The following GET3 variants were observed in gnomAD, a reference collection of about 807,000 sequenced individuals.
GET3 encodes the protein guided entry of tail-anchored proteins factor 3, ATPase.
In GET3, 15 loss-of-function variants were observed where a neutral mutation model predicts 32.4. The ratio of observed to expected loss-of-function variants is 0.46; its 90% CI spans 0.31 to 0.71. The LOEUF (loss-of-function observed/expected upper bound fraction) is 0.71, where lower values mean the gene tolerates loss of function less well. Among genes scored for constraint, GET3 ranks in the 30% least tolerant of loss-of-function variants. GET3 has a pLI of 0.05. For missense variants in GET3, 333 were observed against 459.0 expected (o/e 0.73, Z 2.51); for synonymous variants, 198 against 185.6 (o/e 1.07, Z -0.54).
At chr19:12,741,325 G>T (rs1012211148) in intron 2 of GET3, among the ~76,000 whole-genome samples, 1 of 151,890 alleles carries the variant, frequency 6.6e-6, no homozygotes, top group African/African-American at 2.4e-5. Flanking sequence ...GCGTGATGGC[G>T]GGTGCCTTTA....
At chr19:12,746,228 G>A (rs1210975833) in intron 4 of GET3, among the ~76,000 whole-genome samples, 2 of 152,164 alleles carry the variant, frequency 1.3e-5, no homozygotes, top group African/African-American at 4.8e-5. Flanking sequence ...CACCTCGTGG[G>A]TTCAAGTGAT....
Position 12,747,131 on chromosome 19 carries a change from T to C in GET3, c.610-66T>C. ...TATCAGGAGTCATCCCTCGGGTGTT[T>C]AGTGAACCCCCAACCCAGGAGGTCG... On this transcript the variant is annotated intron_variant, in intron 4 of 6. Transcript: ENST00000357332. The surrounding 1 kb of genome is among the most constrained non-coding windows in gnomAD (Gnocchi z 4.0). 7.2e-7 allele frequency: 1 copy of C among 1,385,874 alleles called. No homozygotes were observed. The highest frequency in any genetic ancestry group is 9.9e-7 in the Non-Finnish European group (1 of 1,010,638). 85.8% of individuals were successfully genotyped at this position (1,385,874 alleles called of 1,614,324 possible). A position where few individuals can be genotyped will look rare whatever the true frequency, so the allele number is the denominator to read the frequency against.
At chr19:12,742,784 T>A (rs1426378057) in intron 2 of GET3, among the ~76,000 whole-genome samples, 1 of 151,938 alleles carries the variant, frequency 6.6e-6, no homozygotes. Flanking sequence ...TGACCTCAAA[T>A]GATCTGCCTG....
At chr19:12,739,329 T>A (rs1052437149) in intron 2 of GET3, among the ~76,000 whole-genome samples, 39 of 152,060 alleles carry the variant, frequency 2.6e-4, no homozygotes, top group Non-Finnish European at 3.8e-4. Flanking sequence ...CACCACTGCC[T>A]GTTAATTTTG....
upstream of GET3, chr19:12,737,421 A>G (rs1263593727): frequency 4.4e-6 from 6 of 1,367,734 alleles, no homozygotes; most frequent in East Asian, 3.0e-5. Flanking sequence ...TCATGCTCCT[A>G]GCTTCGCTAG....
chr19:12,745,660 G>A lies in GET3; in HGVS notation c.510G>A (p.Thr170=), dbSNP rs1333825135. Residue 170 remains threonine, a synonymous_variant, in exon 4 of 7, where the codon ACG becomes ACA. Coordinates refer to ENST00000357332, the MANE Select transcript of GET3 (RefSeq NM_004317.4). This position sits in a 1 kb window ranked among gnomAD's most constrained non-coding sequence, Gnocchi z 5.0. Reference sequence around the variant, plus strand: ...TGGTGGTATTTGACACGGCACCCACGGGCCACACCCTGAGGCTGCTCAACT... The same window carrying A: ...TGGTGGTATTTGACACGGCACCCACAGGCCACACCCTGAGGCTGCTCAACT... The part of the protein sequence containing the change: ...FSVVVFDTAP[T]GHTLRLLNFP... The A allele has an allele frequency of 9.3e-6, 15 of 1,612,764 alleles. No homozygotes were observed. The highest frequency in any genetic ancestry group is 4.5e-5 in the East Asian group (2 of 44,858).
At chr19:12,741,186 G>A (rs1238504880) in intron 2 of GET3, among the ~76,000 whole-genome samples, 3 of 152,326 alleles carry the variant, frequency 2.0e-5, no homozygotes, top group Admixed American at 2.0e-4. Context: ...GCTGGGCATG[G>A]TGGCTCACGC....
At chr19:12,738,750 A>G in intron 2 of GET3, 92 bp downstream of exon 2, 2 of 1,497,508 alleles carry the variant, frequency 1.3e-6, no homozygotes, top group Non-Finnish European at 1.8e-6. Context: ...TGTCCTATCC[A>G]CTCTATATCC....
At chr19:12,742,713 C>T (rs1967693227) in intron 2 of GET3, among the ~76,000 whole-genome samples, 1 of 151,942 alleles carries the variant, frequency 6.6e-6, no homozygotes, top group African/African-American at 2.4e-5. Flanking sequence ...CGCGCCTGGC[C>T]TGTATTTTTT....
At chr19:12,743,722 CTT>C (rs776785337) in intron 2 of GET3, among the ~76,000 whole-genome samples, 971 of 70,308 alleles carry the variant, frequency 0.014, 5 homozygotes, top group African/African-American at 0.045. Context: ...GACTCCATCT[CTT>C]TTTTTTTTTT....
In GET3 at chr19:12,747,367, C is replaced by G; in HGVS notation, c.718-28C>G. 6.2e-7 allele frequency: 1 copy of G among 1,613,184 alleles called. No individual in the cohort carries two copies. The highest frequency in any genetic ancestry group is 1.7e-4 in the Middle Eastern group (1 of 6,058). ...GCTGAGGACAGGGGCAGACCCCGCC[C>G]CTCACTGTCCTCTCTCGTGCCCTGT... is the stretch of plus-strand genomic sequence containing the variant. On this transcript the variant is annotated intron_variant, in intron 5 of 6. Coordinates refer to ENST00000357332, the MANE Select transcript of GET3 (RefSeq NM_004317.4). The surrounding 1 kb of genome is among the most constrained non-coding windows in gnomAD (Gnocchi z 4.0).
Position 12,747,360 on chromosome 19 carries a change from C to T in GET3, c.718-35C>T. ...CCCGGGGGCTGAGGACAGGGGCAGACCCCGCCCCTCACTGTCCTCTCTCGT... is the reference window on the plus strand; with the variant it reads ...CCCGGGGGCTGAGGACAGGGGCAGATCCCGCCCCTCACTGTCCTCTCTCGT... On this transcript the variant is annotated intron_variant, in intron 5 of 6. Transcript: ENST00000357332. The surrounding 1 kb of genome is among the most constrained non-coding windows in gnomAD (Gnocchi z 4.0). The T allele has an allele frequency of 1.2e-6, 2 of 1,612,606 alleles. No individual in the cohort carries two copies. Among genetic ancestry groups the T allele is most frequent in the South Asian group, 2.2e-5 (2 of 91,040 alleles).
chr19:12,745,039 G>C lies in GET3; in HGVS notation c.310-338G>C, dbSNP rs948029407. Among the ~76,000 whole-genome samples, 4 of 152,070 alleles carry C rather than the reference G, an allele frequency of 2.6e-5. No individual in the cohort carries two copies. The highest frequency in any genetic ancestry group is 4.4e-5 in the Non-Finnish European group (3 of 67,996). On this transcript the variant is annotated intron_variant, in intron 2 of 6. Transcript: ENST00000357332. This position sits in a 1 kb window ranked among gnomAD's most constrained non-coding sequence, Gnocchi z 5.0. The stretch of plus-strand genomic sequence containing the variant: ...GGATGATGATCCGGAAGAGGTCATG[G>C]CCCAGTCATGGGAGTATCTGGGGTT...
rs1967611028 is a variant in GET3, at chr19:12,738,420, C to T, written c.162-91C>T. ...TCAAGGCCCCTGCTGATTCGGGTCA[C>T]CTGCTCCAGGGAACCTACCACTCCC... On this transcript the variant is annotated intron_variant, in intron 1 of 6. Coordinates refer to ENST00000357332, the MANE Select transcript of GET3 (RefSeq NM_004317.4). 3 of 1,542,308 alleles carry T rather than the reference C, an allele frequency of 1.9e-6. No homozygotes were observed. In the East Asian group the frequency reaches 6.8e-5, roughly 35 times the overall value.
chr19:12,745,318 A>G lies in GET3; in HGVS notation c.310-59A>G, dbSNP rs8177483. 4 of 1,582,592 alleles carry G rather than the reference A, an allele frequency of 2.5e-6. No individual in the cohort carries two copies. The highest frequency in any genetic ancestry group is 2.7e-5 in the African/African-American group (2 of 73,802). On this transcript the variant is annotated intron_variant, in intron 2 of 6. Transcript: ENST00000357332. The surrounding 1 kb of genome is among the most constrained non-coding windows in gnomAD (Gnocchi z 5.0). ...GAAGGCTCCCCCTGGCCCTGTGCCC[A>G]GGTGGGAAGGCTCCCCCAGCAGTAG...
intron 4 of GET3, among the ~76,000 whole-genome samples, chr19:12,746,034 T>C (rs1473356625): frequency 6.6e-6 from 1 of 152,174 alleles, no homozygotes; most frequent in Non-Finnish European, 1.5e-5. Context: ...ACACTCACCA[T>C]GTGACCCAAC....
chr19:12,745,632 CGGT>C lies in GET3; in HGVS notation c.489_491del (p.Val164del). 1 of 1,612,650 alleles carries C rather than the reference CGGT, an allele frequency of 6.2e-7. No homozygotes were observed. The highest frequency in any genetic ancestry group is 8.5e-7 in the Non-Finnish European group (1 of 1,179,972). On this transcript the variant is annotated inframe_deletion, in exon 4 of 7. Coordinates refer to ENST00000357332, the MANE Select transcript of GET3 (RefSeq NM_004317.4). The surrounding 1 kb of genome is among the most constrained non-coding windows in gnomAD (Gnocchi z 5.0). Reference sequence around the variant, plus strand: ...AGGCTGGTGAAGGGCATGAACTTCTCGGTGGTGGTATTTGACACGGCACCCACG... The same window carrying C: ...AGGCTGGTGAAGGGCATGAACTTCTCGGTGGTATTTGACACGGCACCCACG...
chr19:12,738,132 G>GGATATGTC (rs1967607032), intron 1 of GET3, among the ~76,000 whole-genome samples: 1 of 152,162 alleles, frequency 6.6e-6, no homozygotes, highest in Non-Finnish European at 1.5e-5. Flanking sequence ...TCCTGGACAA[G>GGATATGTC]CAGACTGAAC....
chr19:12,748,037 G>A lies in GET3; in HGVS notation c.980G>A (p.Gly327Glu), dbSNP rs1335532966. ...KLPLLPHEVRGADKVNTFSAL... is the reference protein window; with the variant it reads ...KLPLLPHEVREADKVNTFSAL... ...CCGCTGTTACCCCATGAGGTGCGGG[G>A]GGCAGACAAGGTCAACACCTTCTCG... The change falls in exon 7 of 7, where the codon GGG becomes GAG. Residue 327 changes from glycine to glutamate, a missense_variant. Coordinates refer to ENST00000357332, the MANE Select transcript of GET3 (RefSeq NM_004317.4). The A allele has an allele frequency of 6.2e-7, 1 of 1,612,112 alleles. No homozygotes were observed. The highest frequency in any genetic ancestry group is 1.3e-5 in the African/African-American group (1 of 74,860).
Sources: gnomAD v4.1 joint callset for allele counts (sites outside exome capture counted in the v4.1 genomes callset) on GRCh38, gnomAD v4.1.1 for gene constraint, Gnocchi (gnomAD v3.1) non-coding constraint, MANE v1.5 for transcripts, NCBI Gene and HGNC (gene_info 2026-07-23, HGNC 2026-07-21) for gene names.